LGR5: variants seen among roughly 807,000 people sequenced by gnomAD.
LGR5 encodes leucine-rich repeat-containing G protein-coupled receptor 5.
In LGR5, 54 loss-of-function variants were observed where a neutral mutation model predicts 76.7. That is an observed-to-expected ratio of 0.70 (90% CI 0.57 to 0.88). The LOEUF (loss-of-function observed/expected upper bound fraction) is 0.88. Ranked by LOEUF, LGR5 falls within the 40% of genes least tolerant of loss-of-function variation. The pLI, the probability that LGR5 is intolerant of heterozygous loss-of-function variation, is 0.00. For synonymous variants in LGR5, 406 were observed against 421.9 expected (o/e 0.96, Z 0.46); for missense variants, 1,078 against 1,073.3 (o/e 1.00, Z -0.06).
At chr12:71,443,878 T>A (rs1254837155) in intron 1 of LGR5, among the ~76,000 whole-genome samples, 2 of 152,230 alleles carry the variant, frequency 1.3e-5, no homozygotes, top group South Asian at 2.1e-4. Flanking sequence ...CACAAGCAAA[T>A]GTATGTTATA....
At chr12:71,544,214 T>C (rs1439830151) in intron 4 of LGR5, among the ~76,000 whole-genome samples, 1 of 151,848 alleles carries the variant, frequency 6.6e-6, no homozygotes, top group Admixed American at 6.6e-5. Flanking sequence ...AATGAACCTG[T>C]AGACTTTATC....
intron 3 of LGR5, among the ~76,000 whole-genome samples, chr12:71,526,863 G>C (rs916411897): frequency 1.3e-5 from 2 of 152,110 alleles, no homozygotes; most frequent in Non-Finnish European, 2.9e-5. Flanking sequence ...ACCCAAATAA[G>C]ATGGCCGACT....
chr12:71,544,310 C>CT (rs1877041827), intron 4 of LGR5, among the ~76,000 whole-genome samples: 1 of 34,696 alleles, frequency 2.9e-5, no homozygotes, highest in Non-Finnish European at 5.8e-5. Flanking sequence ...TTTTTTTCTT[C>CT]TTCTTCTTTT....
chr12:71,583,590 A>G, intron 17 of LGR5, 57 bp from the exon 18 acceptor site: 1 of 1,538,692 alleles, frequency 6.5e-7, no homozygotes, highest in Non-Finnish European at 8.7e-7. Context: ...AGGGTAATTC[A>G]GCAAAAGTTG....
intron 1 of LGR5, among the ~76,000 whole-genome samples, chr12:71,445,020 T>A (rs887535941): frequency 2.6e-5 from 4 of 152,192 alleles, no homozygotes; most frequent in African/African-American, 9.6e-5. Context: ...TTCTGAATGA[T>A]CTAAATCACA....
At chr12:71,537,683 A>G (rs1876670395) in intron 4 of LGR5, among the ~76,000 whole-genome samples, 1 of 152,154 alleles carries the variant, frequency 6.6e-6, no homozygotes, top group African/African-American at 2.4e-5. Flanking sequence ...TCTTCCTTTA[A>G]GCACGTCTAA....
intron 4 of LGR5, among the ~76,000 whole-genome samples, chr12:71,550,196 G>T (rs1206229559): frequency 1.3e-5 from 2 of 151,902 alleles, no homozygotes; most frequent in African/African-American, 4.8e-5. Context: ...TGTTGGCCAG[G>T]CTGGAATACA....
chr12:71,584,212 C>A lies in LGR5; in HGVS notation c.2202C>A (p.Ser734=). 1 of 1,614,112 alleles carries A rather than the reference C, an allele frequency of 6.2e-7. No individual in the cohort carries two copies. The highest frequency in any genetic ancestry group is 8.5e-7 in the Non-Finnish European group (1 of 1,180,012). ...TGGTCGCTCTCATCTTGCTCAATTC[C>A]CTTTGCTTCCTCATGATGACCATTG... ...GYMVALILLN[S]LCFLMMTIAY... The change falls in exon 18 of 18, where the codon TCC becomes TCA. Residue 734 remains serine (S), a synonymous_variant. Coordinates refer to ENST00000266674, the MANE Select transcript of LGR5 (RefSeq NM_003667.4).
At chr12:71,445,428 C>CA (rs1337785713) in intron 1 of LGR5, among the ~76,000 whole-genome samples, 1 of 152,198 alleles carries the variant, frequency 6.6e-6, no homozygotes, top group Non-Finnish European at 1.5e-5. Context: ...TAGCCCACTG[C>CA]AACTCTTTCA....
At chr12:71,527,405 G>A (rs1876070742) in intron 3 of LGR5, among the ~76,000 whole-genome samples, 1 of 152,138 alleles carries the variant, frequency 6.6e-6, no homozygotes, top group Non-Finnish European at 1.5e-5. Flanking sequence ...CATCTGGTGA[G>A]GGCTGCTTTC....
rs11837376 is a variant in LGR5, at chr12:71,575,778, T to C, written c.1209-2147T>C. On this transcript the variant is annotated intron_variant, in intron 13 of 17. Transcript: ENST00000266674. ...TGTGTGTATCATTCTATTATAAAGA[T>C]ACATGCACACATATGTTCATTGCAG... Among the ~76,000 whole-genome samples, 1,345 of 151,648 alleles carry C rather than the reference T, an allele frequency of 8.9e-3. 10 individuals carry two copies. The highest frequency in any genetic ancestry group is 0.031 in the African/African-American group (1,261 of 41,250).
chr12:71,516,400 G>A (rs933183396), intron 2 of LGR5, among the ~76,000 whole-genome samples: 31 of 152,120 alleles, frequency 2.0e-4, no homozygotes, highest in African/African-American at 6.0e-4. Flanking sequence ...AGGCCCCCTC[G>A]CTTAACTCTG....
chr12:71,440,485 T>C lies in LGR5; in HGVS notation c.212+193T>C, dbSNP rs984760396. On this transcript the variant is annotated intron_variant, in intron 1 of 17. Coordinates refer to ENST00000266674, the MANE Select transcript of LGR5 (RefSeq NM_003667.4). This position sits in a 1 kb window ranked among gnomAD's most constrained non-coding sequence, Gnocchi z 5.3. ...GTCTCGGGGAGTAGCGTGCCGGCAC[T>C]TTCTGGACCCGCAGAGAAATGGCTT... 6.6e-6 allele frequency among the ~76,000 whole-genome samples: 1 copy of C among 152,070 alleles called. No individual in the cohort carries two copies. The highest frequency in any genetic ancestry group is 2.4e-5 in the African/African-American group (1 of 41,426).
At chr12:71,574,805 A>C (rs1286143697) in intron 13 of LGR5, among the ~76,000 whole-genome samples, 1 of 152,114 alleles carries the variant, frequency 6.6e-6, no homozygotes, top group Non-Finnish European at 1.5e-5. Flanking sequence ...CCATTTCACA[A>C]GAACAAGATC....
intron 1 of LGR5, among the ~76,000 whole-genome samples, chr12:71,473,564 G>A (rs926157228): frequency 1.1e-4 from 16 of 151,796 alleles, no homozygotes; most frequent in Middle Eastern, 3.4e-3. Context: ...CCTTGAACTC[G>A]GGAGTTCAAG....
chr12:71,520,185 C>T (rs897551671), intron 2 of LGR5, among the ~76,000 whole-genome samples: 11 of 152,092 alleles, frequency 7.2e-5, no homozygotes, highest in Admixed American at 5.9e-4. Context: ...AAACAAAATG[C>T]AGTATATACC....
chr12:71,495,073 G>A (rs11178833), intron 1 of LGR5, among the ~76,000 whole-genome samples: 3,166 of 145,506 alleles, frequency 0.022, 273 homozygotes, highest in African/African-American at 0.077. Flanking sequence ...GATTTGGGGC[G>A]TAGTCGGGGG....
At chr12:71,486,600 T>C (rs781747613) in intron 1 of LGR5, among the ~76,000 whole-genome samples, 1 of 152,284 alleles carries the variant, frequency 6.6e-6, no homozygotes, top group South Asian at 2.1e-4. Flanking sequence ...TTCGTCAACA[T>C]AAAAACAACT....
upstream of LGR5, chr12:71,439,745 C>T: frequency 3.6e-6 from 1 of 276,332 alleles, no homozygotes; most frequent in Non-Finnish European, 6.8e-6. Flanking sequence ...CGTCACTGGG[C>T]GCGCAATTCG....
Sources: allele counts gnomAD v4.1 joint callset (sites outside exome capture counted in the v4.1 genomes callset), GRCh38; gene constraint gnomAD v4.1.1; non-coding constraint Gnocchi (gnomAD v3.1); transcripts MANE v1.5; gene names NCBI Gene and HGNC (gene_info 2026-07-23, HGNC 2026-07-21).